SLC38A5: variants seen among roughly 807,000 people sequenced by gnomAD.
SLC38A5 encodes the protein sodium-coupled neutral amino acid transporter 5.
In SLC38A5, 9 loss-of-function variants were observed where a neutral mutation model predicts 34.6. The ratio of observed to expected loss-of-function variants is 0.26; its 90% CI spans 0.16 to 0.45. The LOEUF is 0.45. Ranked by LOEUF, SLC38A5 falls within the 20% of genes least tolerant of loss-of-function variation. SLC38A5 has a pLI of 1.00. For missense variants in SLC38A5, 253 were observed against 394.7 expected (o/e 0.64, Z 3.04); for synonymous variants, 157 against 155.6 (o/e 1.01, Z -0.07).
At chrX:48,468,189 A>T in intron 2 of SLC38A5, 8 of 1,019,614 alleles carry the variant, frequency 7.8e-6, no homozygotes, top group Non-Finnish European at 1.0e-5. Flanking sequence ...AGAGCCAGTG[A>T]GAGAGAAATA....
At position 48,458,595 on chromosome X, in the gene SLC38A5, A is replaced by G; in HGVS notation, c.*338T>C. On this transcript the variant is annotated 3_prime_UTR_variant, in exon 17 of 17. Coordinates refer to ENST00000620913, the MANE Select transcript of SLC38A5 (RefSeq NM_033518.4). ...TCTTTAGCCCGAGGGTAATCCTGAC[A>G]AACAGCTTCAGCCAGGAGGAGGCAG... is the stretch of plus-strand genomic sequence containing the variant. 1.2e-6 allele frequency: 1 copy of G among 864,285 alleles called. No homozygotes were observed. The highest frequency in any genetic ancestry group is 1.4e-6 in the Non-Finnish European group (1 of 708,917). The allele number at this position is 864,285 out of a possible 1,213,427, so 71.2% of individuals were successfully genotyped here.
chrX:48,462,299 G>A lies in SLC38A5; in HGVS notation c.575-8C>T. 1 of 1,206,205 alleles carries A rather than the reference G, an allele frequency of 8.3e-7. No homozygotes were observed. Among genetic ancestry groups the A allele is most frequent in the Non-Finnish European group, 1.1e-6 (1 of 892,309 alleles). ...TGGTGTACCCCAGGTAGCCTAAGAG[G>A]GGCAAAACACAGAGTCTCAGAAATC... On this transcript the variant is annotated splice_region_variant and splice_polypyrimidine_tract_variant and intron_variant, in intron 9 of 16. Coordinates refer to ENST00000620913, the MANE Select transcript of SLC38A5 (RefSeq NM_033518.4).
chrX:48,462,613 A>G (rs2061442389), intron 9 of SLC38A5, among the ~76,000 whole-genome samples: 1 of 64,938 alleles, frequency 1.5e-5, no homozygotes, highest in South Asian at 7.3e-4. Flanking sequence ...TCGGTCTCAA[A>G]AAAACAAAAC....
In SLC38A5 at chrX:48,466,944, G is replaced by A. The variant is rs1556963566; in HGVS notation, c.245+18C>T. The A allele has an allele frequency of 1.7e-6, 2 of 1,209,077 alleles. No individual in the cohort carries two copies. Among genetic ancestry groups the A allele is most frequent in the South Asian group, 1.8e-5 (1 of 56,686 alleles). Reference sequence around the variant, plus strand: ...GCCCCACAACACCCCTGGCCCCGCAGGCCACCTATGGACTCACAGGAAGAA... The same window carrying A: ...GCCCCACAACACCCCTGGCCCCGCAAGCCACCTATGGACTCACAGGAAGAA... On this transcript the variant is annotated intron_variant, in intron 5 of 16. Transcript: ENST00000620913.
intron 12 of SLC38A5, 80 bp from the exon 13 acceptor site, chrX:48,461,166 C>T: frequency 1.2e-6 from 1 of 821,394 alleles, no homozygotes; most frequent in Non-Finnish European, 1.8e-6. Context: ...CCTCCACCCT[C>T]CAGAGTCCCC....
chrX:48,463,853 G>GAGAAAGAA (rs201520618), intron 8 of SLC38A5, among the ~76,000 whole-genome samples: 5,322 of 76,923 alleles, frequency 0.069, 207 homozygotes, highest in South Asian at 0.083. Context: ...AAGAAAGAGA[G>GAGAAAGAA]AGAAAGAAAG....
chrX:48,461,570 G>A, intron 12 of SLC38A5, 148 bp downstream of exon 12: 2 of 532,031 alleles, frequency 3.8e-6, no homozygotes, highest in Non-Finnish European at 6.1e-6. Flanking sequence ...AGTGCCCCAA[G>A]ACCTCCTGGC....
Position 48,466,253 on chromosome X carries a change from A to C in SLC38A5, c.389T>G (p.Val130Gly). 8.3e-7 allele frequency: 1 copy of C among 1,207,167 alleles called. No homozygotes were observed. Among genetic ancestry groups the C allele is most frequent in the Non-Finnish European group, 1.1e-6 (1 of 893,568 alleles). The change falls in exon 7 of 17, where the codon GTC becomes GGC. Residue 130 changes from valine to glycine, a missense_variant. By Grantham distance (109) the Val-to-Gly change is moderately radical (BLOSUM62 -3). Transcript: ENST00000620913. The part of the protein sequence containing the change: ...GPAGKVVVAT[V>G]ICLHNVGAMS... ...ACCCCCAACATTGTGCAGACAGATG[A>C]CTGTGGCCACCACTACCTTCCCCGC...
chrX:48,465,930 GCA>G, intron 8 of SLC38A5, 83 bp downstream of exon 8: 1 of 826,796 alleles, frequency 1.2e-6, no homozygotes, highest in Non-Finnish European at 1.7e-6. Flanking sequence ...GAAGTCAGCT[GCA>G]CACACAGCGC....
At chrX:48,459,422 G>T in intron 16 of SLC38A5, 114 bp downstream of exon 16, 3 of 685,265 alleles carry the variant, frequency 4.4e-6, no homozygotes, top group Non-Finnish European at 6.1e-6. Context: ...CATTCTTTCA[G>T]ATGCTCTCCC....
In SLC38A5 at chrX:48,458,693, C is replaced by CTCCTCCTCT; in HGVS notation, c.*239_*240insAGAGGAGGA. 1.0e-6 allele frequency: 1 copy of CTCCTCCTCT among 964,663 alleles called. No homozygotes were observed. The highest frequency in any genetic ancestry group is 1.3e-6 in the Non-Finnish European group (1 of 769,180). The allele number at this position is 964,663 out of a possible 1,213,427, so 79.5% of individuals were successfully genotyped here. A position where few individuals can be genotyped will look rare whatever the true frequency, so the allele number is the denominator to read the frequency against. On this transcript the variant is annotated 3_prime_UTR_variant, in exon 17 of 17. Transcript: ENST00000620913. ...CCTCCTCCTCCTCCTCCTCCTCCTC[C>CTCCTCCTCT]TCTTCTTCCTCCTCCTCCTCCTCCC...
intron 4 of SLC38A5, chrX:48,467,353 G>A (rs1213897436): frequency 4.8e-6 from 2 of 415,625 alleles, no homozygotes; most frequent in African/African-American, 5.1e-5. Context: ...GCCACCAGAG[G>A]TAAAACAGCT....
chrX:48,466,729 T>C, intron 6 of SLC38A5, 70 bp downstream of exon 6: 1 of 1,080,198 alleles, frequency 9.3e-7, no homozygotes, highest in Non-Finnish European at 1.3e-6. Context: ...TGTTGAGCTC[T>C]GGATGTGGCT....
At position 48,460,987 on chromosome X, in the gene SLC38A5, G is replaced by A; in HGVS notation, c.951C>T (p.Tyr317=). The A allele has an allele frequency of 8.4e-7, 1 of 1,189,967 alleles. No homozygotes were observed. Among genetic ancestry groups the A allele is most frequent in the Non-Finnish European group, 1.1e-6 (1 of 880,802 alleles). Residue 317 remains tyrosine, a splice_region_variant and synonymous_variant, in exon 13 of 17, where the codon TAC becomes TAT. Coordinates refer to ENST00000620913, the MANE Select transcript of SLC38A5 (RefSeq NM_033518.4). The part of the protein sequence containing the change: ...LTATFGYLTF[Y]SSVKAEMLHM... ...AGCCCTAGCCCCAGCCCCACTCACT[G>A]TAGAAGGTGAGGTATCCAAAGGTTG...
chrX:48,468,643 G>C (rs1556964260), intron 2 of SLC38A5: 1 of 171,311 alleles, frequency 5.8e-6, no homozygotes, highest in Non-Finnish European at 9.3e-6. Context: ...CCCAGGGACA[G>C]AAATGACCCA....
chrX:48,468,927 G>C (rs1296741919), intron 2 of SLC38A5: 2 of 750,856 alleles, frequency 2.7e-6, no homozygotes, highest in Non-Finnish European at 3.1e-6. Flanking sequence ...CCCCACCCGA[G>C]CCTGGAGCCC....
At position 48,458,658 on chromosome X, in the gene SLC38A5, G is replaced by GCCT. The variant is rs782262041; in HGVS notation, c.*272_*274dup. 0.44 allele frequency: 310,424 copies of GCCT among 705,493 alleles called. 40,920 individuals are homozygous for GCCT. Among genetic ancestry groups the GCCT allele is most frequent in the Non-Finnish European group, 0.46 (259,891 of 563,646 alleles). The allele number at this position is 705,493 out of a possible 1,213,427, so 58.1% of individuals were successfully genotyped here. A position where few individuals can be genotyped will look rare whatever the true frequency, so the allele number is the denominator to read the frequency against. Reference sequence around the variant, plus strand: ...TGGGCAAAGGCTCCACCAGGACCTGGCCTCCTCCTCCTCCTCCTCCTCCTC... The same window carrying GCCT: ...TGGGCAAAGGCTCCACCAGGACCTGGCCTCCTCCTCCTCCTCCTCCTCCTCCTC... On this transcript the variant is annotated 3_prime_UTR_variant, in exon 17 of 17. Transcript: ENST00000620913.
intron 10 of SLC38A5, 31 bp from the exon 11 acceptor site, chrX:48,462,175 C>A: frequency 2.5e-6 from 3 of 1,210,852 alleles, no homozygotes; most frequent in South Asian, 1.8e-5. Context: ...GAAGCCAGGT[C>A]ATGGAGGAAG....
chrX:48,459,072 T>G, intron 16 of SLC38A5, 38 bp from the exon 17 acceptor site: 2 of 1,139,897 alleles, frequency 1.8e-6, no homozygotes, highest in Non-Finnish European at 2.3e-6. Flanking sequence ...TGGTTGGGAC[T>G]CCTCACCCAG....
Sources: gnomAD v4.1 joint callset for allele counts (sites outside exome capture counted in the v4.1 genomes callset) on GRCh38, gnomAD v4.1.1 for gene constraint, MANE v1.5 for transcripts, NCBI Gene and HGNC (gene_info 2026-07-23, HGNC 2026-07-21) for gene names.